SGCZ: variants seen among roughly 807,000 people sequenced by gnomAD.
SGCZ encodes the protein zeta-sarcoglycan.
Under a neutral mutation model 41.3 loss-of-function variants are expected in SGCZ, and 40 were observed. The observed-to-expected ratio is 0.97, with a 90% CI of 0.75 to 1.26. The LOEUF is 1.26. SGCZ is among the 50% of genes most tolerant of loss of function. The pLI, the probability that SGCZ is intolerant of heterozygous loss-of-function variation, is 0.00. For synonymous variants in SGCZ, 206 were observed against 137.5 expected (o/e 1.50, Z -3.49); for missense variants, 552 against 369.8 (o/e 1.49, Z -4.04).
chr8:14,687,059 G>A lies in SGCZ; in HGVS notation c.40-132133C>T, dbSNP rs113894506. On this transcript the variant is annotated intron_variant, in intron 1 of 7. Coordinates refer to ENST00000382080, the MANE Select transcript of SGCZ (RefSeq NM_139167.4). ...AAATTCTCTACTTTGGGCCCAAAAT[G>A]GTATTTTGAAGATTTGTACATTTTA... Among the ~76,000 whole-genome samples the A allele has an allele frequency of 7.7e-3, 1,158 of 150,904 alleles. 13 individuals carry two copies. Among genetic ancestry groups the A allele is most frequent in the Middle Eastern group, 0.031 (9 of 292 alleles).
chr8:14,114,595 T>C (rs1802468767), intron 5 of SGCZ, among the ~76,000 whole-genome samples: 1 of 151,934 alleles, frequency 6.6e-6, no homozygotes, highest in Non-Finnish European at 1.5e-5. Flanking sequence ...AATAATATCC[T>C]CTCATCCACT....
intron 2 of SGCZ, among the ~76,000 whole-genome samples, chr8:14,525,229 T>G (rs1802911440): frequency 6.6e-6 from 1 of 152,034 alleles, no homozygotes. Context: ...CACTATCAAG[T>G]GACAAAAATA....
intron 1 of SGCZ, among the ~76,000 whole-genome samples, chr8:14,772,022 G>T (rs1800257000): frequency 6.6e-6 from 1 of 152,128 alleles, no homozygotes; most frequent in Non-Finnish European, 1.5e-5. Context: ...TGGGGTGAAA[G>T]TGATACGTGT....
intron 1 of SGCZ, among the ~76,000 whole-genome samples, chr8:15,095,379 G>A (rs560797261): frequency 3.3e-5 from 5 of 152,214 alleles, no homozygotes; most frequent in Admixed American, 1.3e-4. Context: ...GATTACAGGC[G>A]TGAGCCACTG....
chr8:14,487,615 A>G (rs1801711742), intron 2 of SGCZ, among the ~76,000 whole-genome samples: 1 of 152,268 alleles, frequency 6.6e-6, no homozygotes, highest in African/African-American at 2.4e-5. Flanking sequence ...TTACTTGAGG[A>G]TGGTTTAAAC....
At chr8:15,125,902 T>A (rs921195534) in intron 1 of SGCZ, among the ~76,000 whole-genome samples, 5 of 152,148 alleles carry the variant, frequency 3.3e-5, no homozygotes, top group African/African-American at 9.6e-5. Context: ...TCCCAGCAGT[T>A]TGGGAAGCCA....
At chr8:14,396,128 T>G (rs753890288) in intron 2 of SGCZ, among the ~76,000 whole-genome samples, 4 of 152,298 alleles carry the variant, frequency 2.6e-5, no homozygotes, top group Non-Finnish European at 5.9e-5. Context: ...CATGTTCTCA[T>G]ACCTTGTCAG....
intron 3 of SGCZ, among the ~76,000 whole-genome samples, chr8:14,267,214 G>T (rs1008414181): frequency 6.6e-6 from 1 of 152,010 alleles, no homozygotes; most frequent in East Asian, 1.9e-4. Context: ...TATGCATACT[G>T]GGGTATGTAT....
chr8:15,110,291 T>C (rs1353207364), intron 1 of SGCZ, among the ~76,000 whole-genome samples: 2 of 152,196 alleles, frequency 1.3e-5, no homozygotes, highest in South Asian at 4.1e-4. Context: ...ACAGTGTCAG[T>C]ATTATCTGAA....
intron 1 of SGCZ, among the ~76,000 whole-genome samples, chr8:15,048,824 A>G (rs1804409718): frequency 6.6e-6 from 1 of 152,096 alleles, no homozygotes; most frequent in Admixed American, 6.6e-5. Context: ...TTAACGTAAG[A>G]AAAGAGACTC....
chr8:14,097,001 T>C (rs7010430), intron 7 of SGCZ, among the ~76,000 whole-genome samples: 3,318 of 152,190 alleles, frequency 0.022, 138 homozygotes, highest in African/African-American at 0.077. Context: ...TTTCCTTCTT[T>C]ATTAGTCTGG....
intron 1 of SGCZ, among the ~76,000 whole-genome samples, chr8:14,603,078 C>T (rs766702067): frequency 5.3e-5 from 8 of 152,036 alleles, no homozygotes; most frequent in South Asian, 2.1e-4. Flanking sequence ...TGACATACGC[C>T]GGGGGCAACC....
chr8:14,517,492 C>T (rs1802657663), intron 2 of SGCZ, among the ~76,000 whole-genome samples: 1 of 151,994 alleles, frequency 6.6e-6, no homozygotes, highest in African/African-American at 2.4e-5. Flanking sequence ...GTCATTTTAA[C>T]AAAGTGCTAA....
At chr8:14,405,208 G>T (rs932157231) in intron 2 of SGCZ, among the ~76,000 whole-genome samples, 1 of 152,126 alleles carries the variant, frequency 6.6e-6, no homozygotes, top group African/African-American at 2.4e-5. Context: ...AATCACCTCC[G>T]TTGAAATATA....
At chr8:15,176,436 G>T (rs879530860) in intron 1 of SGCZ, among the ~76,000 whole-genome samples, 1 of 152,066 alleles carries the variant, frequency 6.6e-6, no homozygotes. Context: ...TAATTGAAAG[G>T]TTTTAAAGAC....
At position 14,231,010 on chromosome 8, in the gene SGCZ, AG is replaced by A. The variant is rs1563199899; in HGVS notation, c.424+6581del. ...AGAAATTACTTTAAAAAATATATCC[AG>A]ACTCAAATTATGTTGGAGTATATTG... On this transcript the variant is annotated intron_variant, in intron 4 of 7. Coordinates refer to ENST00000382080, the MANE Select transcript of SGCZ (RefSeq NM_139167.4). 5.3e-4 allele frequency among the ~76,000 whole-genome samples: 80 copies of A among 152,240 alleles called. 2 individuals are homozygous for A. Among genetic ancestry groups the A allele is most frequent in the Admixed American group, 3.2e-3 (49 of 15,254 alleles).
intron 3 of SGCZ, among the ~76,000 whole-genome samples, chr8:14,243,169 C>T (rs1277527133): frequency 6.6e-6 from 1 of 152,188 alleles, no homozygotes; most frequent in African/African-American, 2.4e-5. Context: ...GAAAGAACAT[C>T]ACTAGTGACC....
chr8:14,853,691 T>G (rs1803432794), intron 1 of SGCZ, among the ~76,000 whole-genome samples: 1 of 152,042 alleles, frequency 6.6e-6, no homozygotes, highest in Non-Finnish European at 1.5e-5. Context: ...GCTGAGAAAT[T>G]AGTATTACAT....
At chr8:14,211,288 G>T (rs1805798632) in intron 4 of SGCZ, among the ~76,000 whole-genome samples, 1 of 152,042 alleles carries the variant, frequency 6.6e-6, no homozygotes, top group Non-Finnish European at 1.5e-5. Context: ...CTGCAGATGG[G>T]TGTCTCCTCC....
Sources: gnomAD v4.1 joint callset for allele counts (sites outside exome capture counted in the v4.1 genomes callset) on GRCh38, gnomAD v4.1.1 for gene constraint, MANE v1.5 for transcripts, NCBI Gene and HGNC (gene_info 2026-07-23, HGNC 2026-07-21) for gene names.